CYTH1: variants seen among roughly 807,000 people sequenced by gnomAD.
CYTH1 encodes the protein cytohesin-1.
Under a neutral mutation model 61.8 loss-of-function variants are expected in CYTH1, and 18 were observed. That is an observed-to-expected ratio of 0.29 (90% CI 0.20 to 0.43). The LOEUF (loss-of-function observed/expected upper bound fraction) is 0.43, where lower values mean the gene tolerates loss of function less well. Among genes scored for constraint, CYTH1 ranks in the 20% least tolerant of loss-of-function variants. The probability of loss-of-function intolerance (pLI) is 1.00; values close to 1 mark genes in which losing one functional copy is unlikely to be tolerated. For missense variants in CYTH1, 336 were observed against 510.5 expected, an observed-to-expected ratio of 0.66 and a Z score of 3.29; for synonymous variants, 174 against 184.3, an observed-to-expected ratio of 0.94 and a Z score of 0.45.
At chr17:78,705,655 T>A (rs2093057796) in intron 3 of CYTH1, among the ~76,000 whole-genome samples, 2 of 152,034 alleles carry the variant, frequency 1.3e-5, no homozygotes, top group Non-Finnish European at 2.9e-5. Flanking sequence ...AAATGCAGGG[T>A]GAGCCTGAGT....
At chr17:78,687,867 T>C (rs187292343) in intron 11 of CYTH1, among the ~76,000 whole-genome samples, 3 of 152,350 alleles carry the variant, frequency 2.0e-5, no homozygotes, top group African/African-American at 7.2e-5. Flanking sequence ...TGACTTTTTC[T>C]AGAAGAAATC....
At chr17:78,725,087 C>G (rs898901753) in intron 1 of CYTH1, among the ~76,000 whole-genome samples, 24 of 152,168 alleles carry the variant, frequency 1.6e-4, no homozygotes, top group African/African-American at 5.8e-4. Flanking sequence ...GCCATCCCAC[C>G]TCTCCTCCCA....
In CYTH1 at chr17:78,782,226, T is replaced by G; in HGVS notation, c.-3A>C. ...CCGTAGCTGTCGTCCTCCTCCATGG[T>G]GCGGGAGCCGGGCTCCGCGCTCCGG... On this transcript the variant is annotated 5_prime_UTR_variant, in exon 1 of 14. Coordinates refer to ENST00000446868, the MANE Select transcript of CYTH1 (RefSeq NM_004762.6). 7.5e-7 allele frequency: 1 copy of G among 1,330,106 alleles called. No individual in the cohort carries two copies. Among genetic ancestry groups the G allele is most frequent in the Non-Finnish European group, 9.8e-7 (1 of 1,024,802 alleles). The allele number at this position is 1,330,106 out of a possible 1,614,324, so 82.4% of individuals were successfully genotyped here.
intron 3 of CYTH1, among the ~76,000 whole-genome samples, chr17:78,706,181 C>A (rs1408610226): frequency 6.6e-6 from 1 of 152,084 alleles, no homozygotes. Context: ...ACCTTAAGTG[C>A]ACAGTTCAAT....
intron 1 of CYTH1, among the ~76,000 whole-genome samples, chr17:78,720,888 T>C (rs1198913386): frequency 1.3e-5 from 2 of 151,944 alleles, no homozygotes; most frequent in African/African-American, 2.4e-5. Context: ...AAAATAAAAA[T>C]ATAAAATAAA....
intron 1 of CYTH1, among the ~76,000 whole-genome samples, chr17:78,728,203 A>T (rs1325860485): frequency 6.6e-6 from 1 of 152,218 alleles, no homozygotes; most frequent in Non-Finnish European, 1.5e-5. Context: ...GAGCAAAGGT[A>T]GAAAGACCCC....
chr17:78,717,155 C>T lies in CYTH1; in HGVS notation c.23-7423G>A, dbSNP rs1262107772. On this transcript the variant is annotated intron_variant, in intron 1 of 13. Coordinates refer to ENST00000446868, the MANE Select transcript of CYTH1 (RefSeq NM_004762.6). The surrounding 1 kb of genome is among the most constrained non-coding windows in gnomAD (Gnocchi z 4.4). Reference sequence around the variant, plus strand: ...GCCAGGGAGGCGGCTGAACCCCTTGCTCTTTAAAAGAATGGCCACTGGGGA... The same window carrying T: ...GCCAGGGAGGCGGCTGAACCCCTTGTTCTTTAAAAGAATGGCCACTGGGGA... 1.3e-5 allele frequency: 2 copies of T among 152,406 alleles called. No homozygotes were observed. The highest frequency in any genetic ancestry group is 2.9e-5 in the Non-Finnish European group (2 of 68,174). The allele number at this position is 152,406 out of a possible 1,614,324, so 9.4% of individuals were successfully genotyped here. A position where few individuals can be genotyped will look rare whatever the true frequency, so the allele number is the denominator to read the frequency against.
chr17:78,700,398 G>C lies in CYTH1; in HGVS notation c.483C>G (p.Ile161Met). Residue 161 changes from isoleucine (I) to methionine (M), a missense_variant, in exon 7 of 14, where the codon ATC (isoleucine) becomes ATG (methionine). Around this residue, in one of 4 missense-constraint regions of CYTH1, gnomAD observed 125 missense variants for 209.9 expected, o/e 0.60. Transcript: ENST00000446868. This position sits in a 1 kb window ranked among gnomAD's most constrained non-coding sequence, Gnocchi z 5.1. ...GGGCAAACGCCTCCATCATCCGGTC[G>C]ATCTTCTGGGCCTCTCCGGGTAGCC... is the stretch of plus-strand genomic sequence containing the variant. Reference protein sequence around the residue: ...SFRLPGEAQKIDRMMEAFAQR... With the variant: ...SFRLPGEAQKMDRMMEAFAQR... 1 of 1,613,642 alleles carries C rather than the reference G, an allele frequency of 6.2e-7. No homozygotes were observed. Among genetic ancestry groups the C allele is most frequent in the Non-Finnish European group, 8.5e-7 (1 of 1,179,768 alleles).
At chr17:78,702,627 AT>A in intron 3 of CYTH1, 23 bp from the exon 4 acceptor site, 1 of 1,612,660 alleles carries the variant, frequency 6.2e-7, no homozygotes. Context: ...CATCACAGCC[AT>A]TTTAGTACTT....
intron 6 of CYTH1, 118 bp downstream of exon 6, chr17:78,701,553 C>A: frequency 2.0e-6 from 2 of 986,810 alleles, no homozygotes; most frequent in Non-Finnish European, 3.1e-6. Context: ...CAAAATACTT[C>A]AAAATATTCA....
At chr17:78,701,833 T>C in intron 5 of CYTH1, 82 bp from the exon 6 acceptor site, 2 of 1,377,544 alleles carry the variant, frequency 1.5e-6, no homozygotes, top group Non-Finnish European at 2.1e-6. Context: ...CCATGTCTCC[T>C]ACACTGCGTC....
chr17:78,691,790 T>C (rs2092889243), intron 11 of CYTH1: 1 of 152,288 alleles, frequency 6.6e-6, no homozygotes, highest in African/African-American at 2.4e-5. Flanking sequence ...AAAGAGCTAA[T>C]TTATGATTTT....
Position 78,702,457 on chromosome 17 carries a change from A to G in CYTH1, c.237+81T>C, listed in dbSNP as rs1436409815. The G allele has an allele frequency of 8.8e-6, 13 of 1,482,092 alleles. No individual in the cohort carries two copies. The Admixed American group carries it at 1.5e-4, about 17-fold the overall frequency. The allele number at this position is 1,482,092 out of a possible 1,614,324, so 91.8% of individuals were successfully genotyped here. On this transcript the variant is annotated intron_variant, in intron 4 of 13. Transcript: ENST00000446868. Reference sequence around the variant, plus strand: ...GCAACATGAACTGTAACGCTTGGAAAAAAACGTTTTTAGGGTCTATCTGAG... The same window carrying G: ...GCAACATGAACTGTAACGCTTGGAAGAAAACGTTTTTAGGGTCTATCTGAG...
At chr17:78,768,221 A>G (rs2093456815) in intron 1 of CYTH1, among the ~76,000 whole-genome samples, 1 of 152,050 alleles carries the variant, frequency 6.6e-6, no homozygotes, top group African/African-American at 2.4e-5. Flanking sequence ...TTACCTGAAG[A>G]GTTATATACA....
At chr17:78,767,846 A>G (rs1427505348) in intron 1 of CYTH1, among the ~76,000 whole-genome samples, 1 of 152,234 alleles carries the variant, frequency 6.6e-6, no homozygotes, top group Non-Finnish European at 1.5e-5. Context: ...GCACTTGAAA[A>G]TGCCAGAATG....
At chr17:78,692,310 T>C (rs1035842620) in intron 11 of CYTH1, 107 bp downstream of exon 11, 26 of 1,131,020 alleles carry the variant, frequency 2.3e-5, no homozygotes, top group Non-Finnish European at 3.3e-5. Flanking sequence ...CCCCCACAGA[T>C]ACTGAAGGGC....
At chr17:78,679,696 C>A (rs1302504389) in intron 13 of CYTH1, among the ~76,000 whole-genome samples, 1 of 152,188 alleles carries the variant, frequency 6.6e-6, no homozygotes, top group Non-Finnish European at 1.5e-5. Flanking sequence ...GCTGTGGAAC[C>A]CTGAGGAAGC....
At chr17:78,769,634 T>G (rs1030142322) in intron 1 of CYTH1, among the ~76,000 whole-genome samples, 8 of 152,192 alleles carry the variant, frequency 5.3e-5, no homozygotes, top group Non-Finnish European at 8.8e-5. Context: ...CCTTCTAGAC[T>G]CAAAGCATCG....
At position 78,772,481 on chromosome 17, in the gene CYTH1, G is replaced by C. The variant is rs2093475284; in HGVS notation, c.22+9721C>G. 4.6e-5 allele frequency among the ~76,000 whole-genome samples: 7 copies of C among 152,194 alleles called. No individual in the cohort carries two copies. In the South Asian group the frequency reaches 1.4e-3, roughly 31 times the overall value. Reference sequence around the variant, plus strand: ...TTTTGATTAACACATGGAACATTTAGAAAGGAGCAGGTATGAGCCATAAGA... The same window carrying C: ...TTTTGATTAACACATGGAACATTTACAAAGGAGCAGGTATGAGCCATAAGA... On this transcript the variant is annotated intron_variant, in intron 1 of 13. Transcript: ENST00000446868.
Sources: gnomAD v4.1 joint callset for allele counts (sites outside exome capture counted in the v4.1 genomes callset) on GRCh38, gnomAD v4.1.1 for gene constraint, gnomAD v4.1.1 regional missense constraint, Gnocchi (gnomAD v3.1) non-coding constraint, MANE v1.5 for transcripts, NCBI Gene and HGNC (gene_info 2026-07-23, HGNC 2026-07-21) for gene names.